CYP7B1: variants seen among roughly 807,000 people sequenced by gnomAD.
CYP7B1 encodes cytochrome P450 7B1.
CYP7B1 carries 29 observed loss-of-function variants against 42.7 expected under a neutral mutation model. The ratio of observed to expected loss-of-function variants is 0.68; its 90% CI spans 0.51 to 0.93. The LOEUF (loss-of-function observed/expected upper bound fraction) is 0.93. Among genes scored for constraint, CYP7B1 ranks in the 40% least tolerant of loss-of-function variants. The pLI, the probability that CYP7B1 is intolerant of heterozygous loss-of-function variation, is 0.00. For missense variants in CYP7B1, 655 were observed against 600.5 expected (o/e 1.09, Z -0.95); for synonymous variants, 235 against 218.2 (o/e 1.08, Z -0.68).
chr8:64,624,570 A>C (rs1805580182), intron 1 of CYP7B1, 31 bp from the exon 2 acceptor site: 2 of 1,609,916 alleles, frequency 1.2e-6, no homozygotes, highest in Non-Finnish European at 1.7e-6. Flanking sequence ...ATAAAAGAAC[A>C]AAAGAAAAAT....
In CYP7B1 at chr8:64,781,387, T is replaced by A. The variant is rs369286171; in HGVS notation, c.122+17079A>T. Among the ~76,000 whole-genome samples the A allele has an allele frequency of 1.3e-4, 20 of 152,240 alleles. No individual in the cohort carries two copies. The South Asian group carries it at 4.1e-3, about 32-fold the overall frequency. ...TAACAAAAGTTCATTTTTTTTACAT[T>A]TCTGTGGGCCAGAAGACATGGGCCT... On this transcript the variant is annotated intron_variant, in intron 1 of 5. Transcript: ENST00000310193.
intron 1 of CYP7B1, among the ~76,000 whole-genome samples, chr8:64,682,162 C>T (rs1372736296): frequency 2.0e-5 from 3 of 152,136 alleles, no homozygotes; most frequent in Non-Finnish European, 2.9e-5. Context: ...GTAGTGAATG[C>T]ACAGCTATGC....
intron 1 of CYP7B1, among the ~76,000 whole-genome samples, chr8:64,653,109 T>TA (rs1432715609): frequency 6.6e-6 from 1 of 151,964 alleles, no homozygotes; most frequent in Admixed American, 6.6e-5. Context: ...CAAGAGCAAA[T>TA]TAACCCCAAA....
At chr8:64,624,997 G>A (rs1805589024) in intron 1 of CYP7B1, among the ~76,000 whole-genome samples, 1 of 82,940 alleles carries the variant, frequency 1.2e-5, no homozygotes, top group Non-Finnish European at 1.9e-5. Context: ...TTTTTGAGAC[G>A]GAGTCTCGCT....
chr8:64,626,178 T>C (rs1454198273), intron 1 of CYP7B1, among the ~76,000 whole-genome samples: 1 of 152,162 alleles, frequency 6.6e-6, no homozygotes, highest in Non-Finnish European at 1.5e-5. Flanking sequence ...GGACAAGCTG[T>C]GTACCAGGAT....
chr8:64,587,695 A>C (rs186995116), downstream of CYP7B1: 13 of 152,332 alleles, frequency 8.5e-5, no homozygotes, highest in East Asian at 2.3e-3. Context: ...TTTCTTAACT[A>C]TTGCAAAATT....
chr8:64,707,547 CA>C (rs1807018511), intron 1 of CYP7B1, among the ~76,000 whole-genome samples: 1 of 152,062 alleles, frequency 6.6e-6, no homozygotes, highest in Non-Finnish European at 1.5e-5. Context: ...AAAAGCTAAC[CA>C]CTGAAAATGG....
intron 1 of CYP7B1, among the ~76,000 whole-genome samples, chr8:64,748,717 C>T (rs957554695): frequency 3.9e-5 from 6 of 152,174 alleles, no homozygotes; most frequent in Non-Finnish European, 8.8e-5. Flanking sequence ...TCCATTCATA[C>T]AACAAAACCC....
intron 1 of CYP7B1, among the ~76,000 whole-genome samples, chr8:64,723,003 TG>T (rs1807269518): frequency 6.6e-6 from 1 of 152,194 alleles, no homozygotes; most frequent in Admixed American, 6.5e-5. Flanking sequence ...GAATCGTAGC[TG>T]GCTTTTTTTT....
At chr8:64,651,375 T>G (rs1806036392) in intron 1 of CYP7B1, among the ~76,000 whole-genome samples, 1 of 152,228 alleles carries the variant, frequency 6.6e-6, no homozygotes, top group Non-Finnish European at 1.5e-5. Flanking sequence ...ATATTGAGCC[T>G]CTGTAATTTA....
chr8:64,624,480 T>C lies in CYP7B1; in HGVS notation c.182A>G (p.Asn61Ser). The C allele has an allele frequency of 3.7e-6, 6 of 1,613,398 alleles. No homozygotes were observed. The highest frequency in any genetic ancestry group is 1.1e-5 in the South Asian group (1 of 90,862). The change falls in exon 2 of 6, where the codon AAC becomes AGC. Residue 61 changes from asparagine to serine, a missense_variant. Asn to Ser is a conservative substitution (Grantham distance 46). Coordinates refer to ENST00000310193, the MANE Select transcript of CYP7B1 (RefSeq NM_004820.5). Reference protein sequence around the residue: ...GWLPYLGVVLNLRKDPLRFMK... With the variant: ...GWLPYLGVVLSLRKDPLRFMK... ...GAACCTTAAGGGGTCTTTTCGTAAG[T>C]TCAGGACCACTCCAAGATAAGGAAG...
At chr8:64,736,224 A>G (rs558264960) in intron 1 of CYP7B1, among the ~76,000 whole-genome samples, 19 of 152,248 alleles carry the variant, frequency 1.2e-4, no homozygotes, top group Admixed American at 1.1e-3. Flanking sequence ...ATAAATCCCA[A>G]ATCAGTCACT....
intron 1 of CYP7B1, among the ~76,000 whole-genome samples, chr8:64,781,266 G>T (rs1461299182): frequency 6.6e-6 from 1 of 152,108 alleles, no homozygotes; most frequent in Non-Finnish European, 1.5e-5. Context: ...CTTGCAAGAG[G>T]CAGTGTAGTT....
chr8:64,631,844 T>C (rs1012381357), intron 1 of CYP7B1, among the ~76,000 whole-genome samples: 1 of 152,062 alleles, frequency 6.6e-6, no homozygotes, highest in African/African-American at 2.4e-5. Context: ...ATCAGGGAAA[T>C]GCAAATTAAA....
intron 1 of CYP7B1, among the ~76,000 whole-genome samples, chr8:64,696,458 C>G (rs1806829665): frequency 6.6e-6 from 1 of 152,084 alleles, no homozygotes; most frequent in Admixed American, 6.5e-5. Flanking sequence ...TTATTTTTAC[C>G]ACCTAATCCT....
intron 2 of CYP7B1, among the ~76,000 whole-genome samples, chr8:64,620,895 A>C (rs904238616): frequency 6.6e-6 from 1 of 152,230 alleles, no homozygotes; most frequent in Non-Finnish European, 1.5e-5. Flanking sequence ...ATCAAGCATC[A>C]GCAGAAATTG....
chr8:64,784,541 C>A (rs1203257242), intron 1 of CYP7B1, among the ~76,000 whole-genome samples: 1 of 152,152 alleles, frequency 6.6e-6, no homozygotes, highest in African/African-American at 2.4e-5. Context: ...ATATATCAAG[C>A]ACCTAGTATG....
At chr8:64,617,103 T>C (rs1042096286) in intron 2 of CYP7B1, among the ~76,000 whole-genome samples, 42 of 152,156 alleles carry the variant, frequency 2.8e-4, no homozygotes, top group African/African-American at 9.9e-4. Context: ...AGAGTCTGCT[T>C]CAGTCAGCCT....
chr8:64,769,838 T>C (rs563377577), intron 1 of CYP7B1, among the ~76,000 whole-genome samples: 1 of 152,246 alleles, frequency 6.6e-6, no homozygotes, highest in Admixed American at 6.5e-5. Context: ...CCCAAAAGTC[T>C]ATTCTTCCTG....
Sources: gnomAD v4.1 joint callset for allele counts (sites outside exome capture counted in the v4.1 genomes callset) on GRCh38, gnomAD v4.1.1 for gene constraint, MANE v1.5 for transcripts, NCBI Gene and HGNC (gene_info 2026-07-23, HGNC 2026-07-21) for gene names.